The following CASZ1 variants were observed in gnomAD, a reference collection of about 807,000 sequenced individuals.
The protein encoded by CASZ1 is castor zinc finger 1, also known as zinc finger protein castor homolog 1.
Under a neutral mutation model 135.2 loss-of-function variants are expected in CASZ1, and 28 were observed. The ratio of observed to expected loss-of-function variants is 0.21; its 90% confidence interval spans 0.15 to 0.28. The LOEUF (loss-of-function observed/expected upper bound fraction) is 0.28. Among genes scored for constraint, CASZ1 ranks in the 10% least tolerant of loss-of-function variants. The probability of loss-of-function intolerance (pLI) is 1.00; values close to 1 mark genes in which losing one functional copy is unlikely to be tolerated. For missense variants in CASZ1, 2,161 were observed against 2,453.3 expected, an observed-to-expected ratio of 0.88 and a Z score of 2.52; for synonymous variants, 1,068 against 1,073.4, an observed-to-expected ratio of 0.99 and a Z score of 0.10.
At chr1:10,733,420 C>T (rs1639737831) in intron 2 of CASZ1, among the ~76,000 whole-genome samples, 1 of 152,186 alleles carries the variant, frequency 6.6e-6, no homozygotes, top group African/African-American at 2.4e-5. Flanking sequence ...GTACAGCACC[C>T]TACCAGGGCC....
At chr1:10,742,103 A>ATGAACG (rs1639935538) in intron 2 of CASZ1, among the ~76,000 whole-genome samples, 2 of 152,158 alleles carry the variant, frequency 1.3e-5, no homozygotes, top group Admixed American at 6.5e-5. Flanking sequence ...CACCCATGAC[A>ATGAACG]TGAACGTGAT....
chr1:10,782,165 G>A (rs1640774330), intron 1 of CASZ1, among the ~76,000 whole-genome samples: 1 of 152,228 alleles, frequency 6.6e-6, no homozygotes, highest in Non-Finnish European at 1.5e-5. Context: ...CACAAATGAG[G>A]AGCACGACTG....
chr1:10,793,037 G>T (rs1640992601), intron 1 of CASZ1, among the ~76,000 whole-genome samples: 1 of 151,956 alleles, frequency 6.6e-6, no homozygotes, highest in Admixed American at 6.6e-5. Context: ...AAAAGGGGTG[G>T]GGGGCAAGAT....
At chr1:10,785,430 C>T (rs1042313701) in intron 1 of CASZ1, among the ~76,000 whole-genome samples, 7 of 152,110 alleles carry the variant, frequency 4.6e-5, no homozygotes, top group African/African-American at 1.2e-4. Flanking sequence ...AAACAAGAAC[C>T]GGAGTGTTTT....
chr1:10,784,322 C>A (rs531012107), intron 1 of CASZ1, among the ~76,000 whole-genome samples: 4 of 152,296 alleles, frequency 2.6e-5, no homozygotes, highest in Non-Finnish European at 5.9e-5. Context: ...AAGCATCCCT[C>A]GGAGGGAAGC....
In CASZ1 at chr1:10,646,059, G is replaced by C. The variant is rs1410431464; in HGVS notation, c.3696+69C>G. ...GCCTCTGCCAGGAGGTGACTGTCCT[G>C]TGCCCTGAGCTAGCCCTGCACCTCC... On this transcript the variant is annotated intron_variant, in intron 17 of 20. Coordinates refer to ENST00000377022, the MANE Select transcript of CASZ1 (RefSeq NM_001079843.3). The surrounding 1 kb of genome is among the most constrained non-coding windows in gnomAD (Gnocchi z 6.4). The C allele has an allele frequency of 6.8e-7, 1 of 1,468,382 alleles. No individual in the cohort carries two copies. Among genetic ancestry groups the C allele is most frequent in the Non-Finnish European group, 9.5e-7 (1 of 1,053,114 alleles). The allele number at this position is 1,468,382 out of a possible 1,614,324, so 91.0% of individuals were successfully genotyped here.
chr1:10,648,222 T>C, intron 15 of CASZ1, 83 bp from the exon 16 acceptor site: 2 of 999,632 alleles, frequency 2.0e-6, no homozygotes, highest in Non-Finnish European at 2.9e-6. Context: ...ATCACAGGCC[T>C]AGACCCCGGT....
Position 10,645,234 on chromosome 1 carries a change from T to C in CASZ1, c.3697-146A>G, listed in dbSNP as rs913031215. ...GATCATAGAAACACCTTTCACATGT[T>C]AAAAAGCAGCGCAGGGCCGGGCGCG... On this transcript the variant is annotated intron_variant, in intron 17 of 20. Coordinates refer to ENST00000377022, the MANE Select transcript of CASZ1 (RefSeq NM_001079843.3). The C allele has an allele frequency of 3.7e-5, 28 of 747,584 alleles. No individual in the cohort carries two copies. In the African/African-American group the frequency reaches 4.9e-4, roughly 13 times the overall value. 46.3% of individuals were successfully genotyped at this position (747,584 alleles called of 1,614,324 possible).
chr1:10,740,184 G>A (rs1570544538), intron 2 of CASZ1, among the ~76,000 whole-genome samples: 1 of 152,322 alleles, frequency 6.6e-6, no homozygotes, highest in East Asian at 1.9e-4. Context: ...GGCTCAGAGA[G>A]GCAAGGCCAC....
At chr1:10,658,845 C>T (rs887791554) in intron 6 of CASZ1, among the ~76,000 whole-genome samples, 4 of 152,202 alleles carry the variant, frequency 2.6e-5, no homozygotes, top group African/African-American at 4.8e-5. Context: ...AGCCCGGGCT[C>T]GGCACCCAGC....
At chr1:10,688,793 C>T (rs1638674909) in intron 4 of CASZ1, among the ~76,000 whole-genome samples, 1 of 152,180 alleles carries the variant, frequency 6.6e-6, no homozygotes, top group South Asian at 2.1e-4. Context: ...AAGCTGCTGC[C>T]CTGCACAGGT....
intron 1 of CASZ1, among the ~76,000 whole-genome samples, chr1:10,765,850 G>A (rs1013426553): frequency 5.9e-5 from 9 of 152,138 alleles, no homozygotes; most frequent in Admixed American, 2.6e-4. Flanking sequence ...CCCTTCCTCC[G>A]TATCACTCAC....
rs1337869402 is a variant in CASZ1, at chr1:10,747,093, G to C, written c.-77+13608C>G. On this transcript the variant is annotated intron_variant, in intron 2 of 20. Transcript: ENST00000377022. This position sits in a 1 kb window ranked among gnomAD's most constrained non-coding sequence, Gnocchi z 4.3. ...AATGGCATGTGATGGCCACCCAGTT[G>C]GCAGTGCCATTCCCCTAACGCAAGG... 6.6e-6 allele frequency among the ~76,000 whole-genome samples: 1 copy of C among 152,256 alleles called. No homozygotes were observed. Among genetic ancestry groups the C allele is most frequent in the African/African-American group, 2.4e-5 (1 of 41,468 alleles).
intron 18 of CASZ1, 64 bp downstream of exon 18, chr1:10,644,853 G>C (rs891699810): frequency 2.6e-6 from 4 of 1,532,686 alleles, no homozygotes; most frequent in South Asian, 2.5e-5. Flanking sequence ...GGCGGCCCAG[G>C]CCACGGGGGC....
chr1:10,755,666 G>A lies in CASZ1; in HGVS notation c.-77+5035C>T, dbSNP rs1640239910. ...GGGGGTGTGGGGAGAACGGAGGAAG[G>A]AGGCCCAGGCTGGGGTTCGGCACCA... On this transcript the variant is annotated intron_variant, in intron 2 of 20. Coordinates refer to ENST00000377022, the MANE Select transcript of CASZ1 (RefSeq NM_001079843.3). The surrounding 1 kb of genome is among the most constrained non-coding windows in gnomAD (Gnocchi z 4.3). Among the ~76,000 whole-genome samples, 1 of 152,082 alleles carries A rather than the reference G, an allele frequency of 6.6e-6. No individual in the cohort carries two copies. The highest frequency in any genetic ancestry group is 6.5e-5 in the Admixed American group (1 of 15,278).
intron 4 of CASZ1, among the ~76,000 whole-genome samples, chr1:10,692,541 C>T (rs1638801065): frequency 6.6e-6 from 1 of 152,194 alleles, no homozygotes; most frequent in African/African-American, 2.4e-5. Context: ...GACACCTTTA[C>T]CACTTTGCCC....
chr1:10,642,627 G>A (rs576201814), intron 20 of CASZ1, among the ~76,000 whole-genome samples: 4 of 152,108 alleles, frequency 2.6e-5, no homozygotes, highest in Non-Finnish European at 4.4e-5. Flanking sequence ...CAGAGAGGAC[G>A]GGCCCAGGGT....
Position 10,759,874 on chromosome 1 carries a change from C to T in CASZ1, c.-77+827G>A, listed in dbSNP as rs964342600. ...TCAGCCTCTGCTTCCACCCCTAGACCTTGCCCGTGAACTTCGCAAACACCC... is the reference window on the plus strand; with the variant it reads ...TCAGCCTCTGCTTCCACCCCTAGACTTTGCCCGTGAACTTCGCAAACACCC... On this transcript the variant is annotated intron_variant, in intron 2 of 20. Transcript: ENST00000377022. The surrounding 1 kb of genome is among the most constrained non-coding windows in gnomAD (Gnocchi z 4.2). Among the ~76,000 whole-genome samples, 3 of 152,236 alleles carry T rather than the reference C, an allele frequency of 2.0e-5. No individual in the cohort carries two copies. Among genetic ancestry groups the T allele is most frequent in the Admixed American group, 6.5e-5 (1 of 15,290 alleles).
At position 10,769,014 on chromosome 1, in the gene CASZ1, T is replaced by C. The variant is rs181214124; in HGVS notation, c.-233-8157A>G. Among the ~76,000 whole-genome samples the C allele has an allele frequency of 1.2e-3, 180 of 152,140 alleles. 1 individual carries two copies. Among genetic ancestry groups the C allele is most frequent in the African/African-American group, 4.0e-3 (168 of 41,502 alleles). ...AAATTAGCCGGGTGTGGTGGCGGCG[T>C]CTGTAATCCCAGCTACTCAGGAGAC... On this transcript the variant is annotated intron_variant, in intron 1 of 20. Coordinates refer to ENST00000377022, the MANE Select transcript of CASZ1 (RefSeq NM_001079843.3).
Sources: gnomAD v4.1 joint callset for allele counts (sites outside exome capture counted in the v4.1 genomes callset) on GRCh38, gnomAD v4.1.1 for gene constraint, Gnocchi (gnomAD v3.1) non-coding constraint, MANE v1.5 for transcripts, NCBI Gene and HGNC (gene_info 2026-07-23, HGNC 2026-07-21) for gene names.